The following TRIM9 variants were observed in gnomAD, a reference collection of about 807,000 sequenced individuals.
TRIM9 encodes tripartite motif containing 9.
In TRIM9, 26 loss-of-function variants were observed where a neutral mutation model predicts 78.3. The observed-to-expected ratio is 0.33, with a 90% CI of 0.24 to 0.46. The LOEUF (loss-of-function observed/expected upper bound fraction) is 0.46. TRIM9 is among the 20% of genes least tolerant of loss of function. The probability of loss-of-function intolerance (pLI) is 1.00; values close to 1 mark genes in which losing one functional copy is unlikely to be tolerated. For missense variants in TRIM9, 787 were observed against 1,036.4 expected (o/e 0.76, Z 3.30); for synonymous variants, 398 against 416.5 (o/e 0.96, Z 0.54).
At chr14:51,008,979 C>T in intron 5 of TRIM9, 101 bp downstream of exon 5, 1 of 1,177,286 alleles carries the variant, frequency 8.5e-7, no homozygotes, top group South Asian at 1.4e-5. Context: ...AGAAGCCACT[C>T]CATATTCTTG....
intron 1 of TRIM9, among the ~76,000 whole-genome samples, chr14:51,071,387 G>GAAAAAAAAAAAAAAAAAAAAAA (rs56726763): frequency 1.7e-5 from 2 of 115,874 alleles, no homozygotes; most frequent in African/African-American, 3.2e-5. Context: ...AAAAAAAAAA[G>GAAAAAAAAAAAAAAAAAAAAAA]AAAAAAAAAA....
At position 50,976,924 on chromosome 14, in the gene TRIM9, G is replaced by T. The variant is rs1053886533; in HGVS notation, c.*367C>A. ...GTTAGCAGGAGAATTTTCTCCTGGC[G>T]GTGCCAGTCCAGTAAGTCACCAATA... On this transcript the variant is annotated 3_prime_UTR_variant, in exon 13 of 13. Transcript: ENST00000684578. 6.1e-6 allele frequency: 1 copy of T among 164,864 alleles called. No homozygotes were observed. Among genetic ancestry groups the T allele is most frequent in the Non-Finnish European group, 1.3e-5 (1 of 76,490 alleles). The allele number at this position is 164,864 out of a possible 1,614,324, so 10.2% of individuals were successfully genotyped here. A position where few individuals can be genotyped will look rare whatever the true frequency, so the allele number is the denominator to read the frequency against.
At chr14:50,979,360 G>A (rs765698788) in intron 12 of TRIM9, 27 bp downstream of exon 12, 7 of 1,614,086 alleles carry the variant, frequency 4.3e-6, no homozygotes, top group Non-Finnish European at 5.9e-6. Context: ...AGCAACAGCT[G>A]TTTAACCTCA....
At chr14:51,080,414 G>A (rs1319313791) in intron 1 of TRIM9, among the ~76,000 whole-genome samples, 1 of 148,460 alleles carries the variant, frequency 6.7e-6, no homozygotes, top group Non-Finnish European at 1.5e-5. Flanking sequence ...GGGAGAATAG[G>A]TGTTTCAATT....
intron 1 of TRIM9, among the ~76,000 whole-genome samples, chr14:51,074,499 A>T (rs1229161947): frequency 6.6e-6 from 1 of 152,202 alleles, no homozygotes; most frequent in African/African-American, 2.4e-5. Flanking sequence ...TTGCAGAATG[A>T]GAAGGCACAA....
chr14:51,094,513 G>C lies in TRIM9; in HGVS notation c.427C>G (p.Arg143Gly), dbSNP rs762640179. 1.2e-6 allele frequency: 2 copies of C among 1,613,612 alleles called. No individual in the cohort carries two copies. The highest frequency in any genetic ancestry group is 1.7e-6 in the Non-Finnish European group (2 of 1,179,922). ...AGTACGCGATTCTTGGGGAAGCCGC[G>C]GAGCCCCCGGTCATCCAGGATGAGG... ...RSLILDDRGL[R>G]GFPKNRVLEG... Residue 143 changes from arginine (R) to glycine (G), a missense_variant, in exon 1 of 13, where the codon CGC becomes GGC. Physicochemically the swap from Arg to Gly is moderately radical, Grantham distance 125. Coordinates refer to ENST00000684578, the MANE Select transcript of TRIM9 (RefSeq NM_001387360.1).
At chr14:50,979,574 G>T in intron 11 of TRIM9, 25 bp from the exon 12 acceptor site, 2 of 1,599,856 alleles carry the variant, frequency 1.3e-6, no homozygotes, top group Non-Finnish European at 1.7e-6. Context: ...AAAAATTGGG[G>T]TTCATTTCCT....
At chr14:51,079,285 G>A (rs1596321704) in intron 1 of TRIM9, among the ~76,000 whole-genome samples, 1 of 152,090 alleles carries the variant, frequency 6.6e-6, no homozygotes, top group African/African-American at 2.4e-5. Context: ...GCCAATCTTT[G>A]GCTAGCCTCC....
At chr14:50,993,352 T>C (rs1051651168) in intron 7 of TRIM9, among the ~76,000 whole-genome samples, 1 of 151,724 alleles carries the variant, frequency 6.6e-6, no homozygotes, top group Non-Finnish European at 1.5e-5. Context: ...GCTGGAACGC[T>C]ACTCTTTTCA....
intron 1 of TRIM9, among the ~76,000 whole-genome samples, chr14:51,058,765 T>G (rs757490493): frequency 8.5e-5 from 13 of 152,252 alleles, no homozygotes; most frequent in Admixed American, 2.6e-4. Flanking sequence ...ACATATGGTG[T>G]GACTCACTAT....
At chr14:50,991,573 T>C (rs1468118950) in intron 7 of TRIM9, among the ~76,000 whole-genome samples, 1 of 152,212 alleles carries the variant, frequency 6.6e-6, no homozygotes, top group African/African-American at 2.4e-5. Flanking sequence ...CATTTCCTTA[T>C]ATGATCCTTT....
At chr14:51,080,287 T>C (rs1169420252) in intron 1 of TRIM9, among the ~76,000 whole-genome samples, 2 of 152,018 alleles carry the variant, frequency 1.3e-5, no homozygotes, top group Non-Finnish European at 2.9e-5. Context: ...TATAGACATA[T>C]ATAACTTCCC....
chr14:51,053,593 T>TTAATTTTTTTTTTTTTTTTTTA (rs1555344763), intron 1 of TRIM9, among the ~76,000 whole-genome samples: 1 of 114,990 alleles, frequency 8.7e-6, no homozygotes, highest in African/African-American at 3.7e-5. Flanking sequence ...TTTTTTTTTT[T>TTAATTTTTTTTTTTTTTTTTTA]AATTTTTTTT....
At position 50,998,039 on chromosome 14, in the gene TRIM9, A is replaced by C; in HGVS notation, c.1603+11T>G. On this transcript the variant is annotated intron_variant, in intron 7 of 12. Coordinates refer to ENST00000684578, the MANE Select transcript of TRIM9 (RefSeq NM_001387360.1). Reference sequence around the variant, plus strand: ...GTTCTCGCTCTGAGGGATACTGCTGAAGGGCCTTACCCTCAGACGTTTGGA... The same window carrying C: ...GTTCTCGCTCTGAGGGATACTGCTGCAGGGCCTTACCCTCAGACGTTTGGA... 8.7e-6 allele frequency: 14 copies of C among 1,614,146 alleles called. No homozygotes were observed. The highest frequency in any genetic ancestry group is 1.2e-5 in the Non-Finnish European group (14 of 1,180,026).
intron 3 of TRIM9, among the ~76,000 whole-genome samples, chr14:51,013,115 G>T (rs542238723): frequency 6.6e-6 from 1 of 152,228 alleles, no homozygotes; most frequent in African/African-American, 2.4e-5. Context: ...TGTCCCAAAG[G>T]GTTCCCCCTG....
intron 1 of TRIM9, among the ~76,000 whole-genome samples, chr14:51,048,286 C>T (rs1356006116): frequency 6.6e-6 from 1 of 152,238 alleles, no homozygotes; most frequent in Non-Finnish European, 1.5e-5. Flanking sequence ...TACCATGTAG[C>T]TCTGTTCCTG....
chr14:51,010,291 C>A, intron 4 of TRIM9, 93 bp downstream of exon 4: 3 of 955,548 alleles, frequency 3.1e-6, no homozygotes, highest in Non-Finnish European at 3.3e-6. Flanking sequence ...GGGACACAGG[C>A]CCACCCAGGG....
chr14:50,993,480 T>C (rs1198297279), intron 7 of TRIM9, among the ~76,000 whole-genome samples: 1 of 152,040 alleles, frequency 6.6e-6, no homozygotes, highest in Non-Finnish European at 1.5e-5. Flanking sequence ...GTGATTCTCC[T>C]GCCTCAGCCT....
At chr14:50,984,919 A>G (rs2052494507) in intron 8 of TRIM9, among the ~76,000 whole-genome samples, 1 of 152,256 alleles carries the variant, frequency 6.6e-6, no homozygotes, top group Non-Finnish European at 1.5e-5. Context: ...AATAAGAAAC[A>G]TAAAAGCACA....
Sources: allele counts gnomAD v4.1 joint callset (sites outside exome capture counted in the v4.1 genomes callset), GRCh38; gene constraint gnomAD v4.1.1; transcripts MANE v1.5; gene names NCBI Gene and HGNC (gene_info 2026-07-23, HGNC 2026-07-21).